MAP2: variants seen among roughly 807,000 people sequenced by gnomAD.
MAP2 encodes the protein microtubule-associated protein 2.
Under a neutral mutation model 137.6 loss-of-function variants are expected in MAP2, and 14 were observed. The ratio of observed to expected loss-of-function variants is 0.10; its 90% CI spans 0.07 to 0.16. MAP2 has a LOEUF of 0.16. Ranked by LOEUF, MAP2 falls within the 10% of genes least tolerant of loss-of-function variation. MAP2 has a pLI of 1.00. For synonymous variants in MAP2, 786 were observed against 782.3 expected, an observed-to-expected ratio of 1.00 and a Z score of -0.08; for missense variants, 2,088 against 2,191.5, an observed-to-expected ratio of 0.95 and a Z score of 0.94.
At chr2:209,707,498 T>C (rs750938928) in intron 12 of MAP2, among the ~76,000 whole-genome samples, 1 of 152,042 alleles carries the variant, frequency 6.6e-6, no homozygotes, top group African/African-American at 2.4e-5. Flanking sequence ...TTGAAAAGAT[T>C]TGAAGGAAAC....
chr2:209,550,755 G>T (rs1422337429), intron 2 of MAP2, among the ~76,000 whole-genome samples: 1 of 152,046 alleles, frequency 6.6e-6, no homozygotes, highest in African/African-American at 2.4e-5. Context: ...TTTTGTCATG[G>T]ATTAAATATT....
intron 3 of MAP2, among the ~76,000 whole-genome samples, chr2:209,586,659 T>C (rs1443889814): frequency 6.6e-6 from 1 of 152,098 alleles, no homozygotes; most frequent in Non-Finnish European, 1.5e-5. Context: ...TTCTTAAACT[T>C]TAAAGCAGAG....
At chr2:209,470,846 C>G (rs2149708453) in intron 1 of MAP2, among the ~76,000 whole-genome samples, 1 of 152,280 alleles carries the variant, frequency 6.6e-6, no homozygotes, top group South Asian at 2.1e-4. Flanking sequence ...TTATCTTTCC[C>G]CATTCATCTT....
intron 1 of MAP2, among the ~76,000 whole-genome samples, chr2:209,481,371 T>C (rs1575818874): frequency 1.3e-5 from 2 of 152,348 alleles, no homozygotes; most frequent in South Asian, 4.1e-4. Flanking sequence ...AGGCAATCTC[T>C]GAAGGGGCCC....
At chr2:209,724,484 A>G (rs1039807806) in intron 13 of MAP2, among the ~76,000 whole-genome samples, 6 of 152,058 alleles carry the variant, frequency 3.9e-5, no homozygotes, top group Non-Finnish European at 5.9e-5. Flanking sequence ...ATCATCCATG[A>G]CTCAAGTAAT....
intron 1 of MAP2, among the ~76,000 whole-genome samples, chr2:209,503,378 T>C (rs2060635214): frequency 6.6e-6 from 1 of 152,044 alleles, no homozygotes; most frequent in South Asian, 2.1e-4. Context: ...TACCTTTTTA[T>C]TTTGATGATT....
At chr2:209,614,076 C>T (rs2088080866) in intron 3 of MAP2, among the ~76,000 whole-genome samples, 1 of 152,072 alleles carries the variant, frequency 6.6e-6, no homozygotes, top group Non-Finnish European at 1.5e-5. Flanking sequence ...CCGTGCAATG[C>T]CCGGGTTCTC....
chr2:209,557,693 A>G (rs2071010809), intron 2 of MAP2, among the ~76,000 whole-genome samples: 2 of 152,158 alleles, frequency 1.3e-5, no homozygotes, highest in Admixed American at 1.3e-4. Flanking sequence ...TTTAGCTTAG[A>G]TTAGGTCCTG....
chr2:209,590,260 T>C (rs2078892014), intron 3 of MAP2, among the ~76,000 whole-genome samples: 1 of 152,162 alleles, frequency 6.6e-6, no homozygotes, highest in Non-Finnish European at 1.5e-5. Flanking sequence ...CTTTAGTGGC[T>C]CTCATTTGCT....
chr2:209,583,191 A>G (rs1376539571), intron 3 of MAP2, among the ~76,000 whole-genome samples: 3 of 148,342 alleles, frequency 2.0e-5, no homozygotes, highest in East Asian at 4.0e-4. Flanking sequence ...CTATCTGTCT[A>G]TCCTATCTAT....
At chr2:209,610,401 A>G (rs1405942307) in intron 3 of MAP2, among the ~76,000 whole-genome samples, 1 of 152,034 alleles carries the variant, frequency 6.6e-6, no homozygotes, top group Non-Finnish European at 1.5e-5. Context: ...AAGTATTTTA[A>G]TCCTAGAGAT....
chr2:209,628,393 C>G (rs906795556), intron 4 of MAP2, among the ~76,000 whole-genome samples: 8 of 152,084 alleles, frequency 5.3e-5, no homozygotes, highest in Non-Finnish European at 1.0e-4. Flanking sequence ...TTCTAACAAC[C>G]ACCACCTGTT....
At chr2:209,723,912 A>G (rs1369594055) in intron 13 of MAP2, among the ~76,000 whole-genome samples, 1 of 152,190 alleles carries the variant, frequency 6.6e-6, no homozygotes. Flanking sequence ...TTTGGGAAAG[A>G]AAACCTTGAT....
chr2:209,486,643 G>A (rs902664559), intron 1 of MAP2, among the ~76,000 whole-genome samples: 1 of 152,210 alleles, frequency 6.6e-6, no homozygotes, highest in Non-Finnish European at 1.5e-5. Flanking sequence ...AAATTGGTCA[G>A]ATCAGAAATT....
Position 209,695,000 on chromosome 2 carries a change from T to A in MAP2, c.2830T>A (p.Ser944Thr), listed in dbSNP as rs2059831238. 2 of 1,613,974 alleles carry A rather than the reference T, an allele frequency of 1.2e-6. No individual in the cohort carries two copies. The highest frequency in any genetic ancestry group is 2.7e-5 in the African/African-American group (2 of 74,898). Residue 944 changes from serine (S) to threonine (T), a missense_variant, in exon 8 of 16, where the codon TCA becomes ACA. Ser to Thr is a moderately conservative substitution (Grantham distance 58). Around this residue, in one of 6 missense-constraint regions of MAP2, gnomAD observed 500 missense variants for 482.9 expected, o/e 1.04. Coordinates refer to ENST00000682079, the MANE Select transcript of MAP2 (RefSeq NM_001375505.1). ...ATCCGCGCATATCTCTGGTGACAAA[T>A]CAGGACTGAGTAAGGAGTTTGACCA... ...EASAHISGDK[S>T]GLSKEFDQEK...
At chr2:209,506,871 G>C (rs1397933794) in intron 1 of MAP2, among the ~76,000 whole-genome samples, 1 of 152,172 alleles carries the variant, frequency 6.6e-6, no homozygotes, top group Non-Finnish European at 1.5e-5. Flanking sequence ...AGTCTGTGCA[G>C]ACTGTTCTAA....
chr2:209,716,644 C>G (rs1167479472), intron 13 of MAP2, among the ~76,000 whole-genome samples: 1 of 152,150 alleles, frequency 6.6e-6, no homozygotes, highest in Non-Finnish European at 1.5e-5. Context: ...ATTGGACACC[C>G]TGATCTAAAA....
intron 2 of MAP2, among the ~76,000 whole-genome samples, chr2:209,542,930 A>C (rs1190409779): frequency 6.6e-6 from 1 of 152,230 alleles, no homozygotes; most frequent in African/African-American, 2.4e-5. Flanking sequence ...TTTCTGGAGT[A>C]GTACTTTTAA....
At chr2:209,612,063 A>C (rs1384699199) in intron 3 of MAP2, among the ~76,000 whole-genome samples, 1 of 152,178 alleles carries the variant, frequency 6.6e-6, no homozygotes, top group African/African-American at 2.4e-5. Flanking sequence ...TAAGCATTTT[A>C]CCCAAGAGAG....
Sources: gnomAD v4.1 joint callset for allele counts (sites outside exome capture counted in the v4.1 genomes callset) on GRCh38, gnomAD v4.1.1 for gene constraint, gnomAD v4.1.1 regional missense constraint, MANE v1.5 for transcripts, NCBI Gene and HGNC (gene_info 2026-07-23, HGNC 2026-07-21) for gene names.